The following CA8 variants were observed in gnomAD, a reference collection of about 807,000 sequenced individuals.
CA8 encodes carbonic anhydrase-related protein.
CA8 carries 22 observed loss-of-function variants against 41.4 expected under a neutral mutation model. That is an observed-to-expected ratio of 0.53 (90% CI 0.38 to 0.76). CA8 has a LOEUF of 0.76. Ranked by LOEUF, CA8 falls within the 30% of genes least tolerant of loss-of-function variation. The pLI, the probability that CA8 is intolerant of heterozygous loss-of-function variation, is 0.00. For synonymous variants in CA8, 121 were observed against 130.6 expected, an observed-to-expected ratio of 0.93 and a Z score of 0.50; for missense variants, 270 against 352.8, an observed-to-expected ratio of 0.77 and a Z score of 1.88.
In CA8 at chr8:60,265,423, C is replaced by T. The variant is rs568095876; in HGVS notation, c.417+502G>A. On this transcript the variant is annotated intron_variant, in intron 3 of 8. Transcript: ENST00000317995. ...AGAAACAGCAGAAGTTAACTAAGAA[C>T]GTAAGTCGGGGAGGGAATTCTTTGG... The T allele has an allele frequency of 3.2e-4, 51 of 159,456 alleles. 1 individual carries two copies. In the South Asian group the frequency reaches 8.9e-3, roughly 28 times the overall value. 9.9% of individuals were successfully genotyped at this position (159,456 alleles called of 1,614,324 possible).
At chr8:60,242,807 G>T (rs1808081831) in intron 3 of CA8, among the ~76,000 whole-genome samples, 1 of 152,218 alleles carries the variant, frequency 6.6e-6, no homozygotes, top group East Asian at 1.9e-4. Flanking sequence ...AGTCAGAGAA[G>T]TGGGAGGTTC....
At chr8:60,244,616 C>T (rs1808157095) in intron 3 of CA8, among the ~76,000 whole-genome samples, 1 of 152,200 alleles carries the variant, frequency 6.6e-6, no homozygotes. Context: ...CGAAATACCA[C>T]TGTCAATTTT....
At chr8:60,229,499 C>T (rs1338718628) in intron 4 of CA8, among the ~76,000 whole-genome samples, 2 of 152,170 alleles carry the variant, frequency 1.3e-5, no homozygotes, top group Non-Finnish European at 2.9e-5. Context: ...GTCAATCTCT[C>T]CCAGGCATCA....
rs557436641 is a variant in CA8, at chr8:60,228,156, G to A, written c.514-1221C>T. Among the ~76,000 whole-genome samples, 9 of 152,260 alleles carry A rather than the reference G, an allele frequency of 5.9e-5. No homozygotes were observed. The East Asian group carries it at 1.5e-3, about 26-fold the overall frequency. On this transcript the variant is annotated intron_variant, in intron 4 of 8. Transcript: ENST00000317995. ...AAGGGAGAGGAGAGAGACAAGAAAC[G>A]CTCTACCTAAGATAGGCCAGTCAGC...
intron 3 of CA8, among the ~76,000 whole-genome samples, chr8:60,246,281 T>TGG (rs34495632): frequency 0.01 from 1,594 of 151,812 alleles, 23 homozygotes; most frequent in African/African-American, 0.035. Flanking sequence ...AATGCATTTC[T>TGG]GGGGGGGGTT....
chr8:60,192,873 A>G (rs1280996435), intron 8 of CA8, among the ~76,000 whole-genome samples: 1 of 150,120 alleles, frequency 6.7e-6, no homozygotes, highest in Non-Finnish European at 1.5e-5. Flanking sequence ...TTGTTTCAGT[A>G]TTATGTATAA....
intron 5 of CA8, among the ~76,000 whole-genome samples, chr8:60,225,711 TAA>T: frequency 6.6e-6 from 1 of 152,172 alleles, no homozygotes; most frequent in Non-Finnish European, 1.5e-5. Context: ...CCTCTGTAAT[TAA>T]ACAAGTTCAA....
intron 7 of CA8, among the ~76,000 whole-genome samples, chr8:60,219,058 A>G (rs1232743161): frequency 6.6e-6 from 1 of 152,100 alleles, no homozygotes. Context: ...GGAAGTTATC[A>G]GCCTCAGGAA....
At chr8:60,261,390 T>C (rs1314072454) in intron 3 of CA8, among the ~76,000 whole-genome samples, 1 of 152,132 alleles carries the variant, frequency 6.6e-6, no homozygotes, top group African/African-American at 2.4e-5. Flanking sequence ...GGGTCCAACA[T>C]ACAATATGGC....
At chr8:60,223,864 T>C (rs1397881567) in intron 6 of CA8, among the ~76,000 whole-genome samples, 2 of 152,306 alleles carry the variant, frequency 1.3e-5, no homozygotes, top group East Asian at 3.9e-4. Flanking sequence ...GGCAGAGAAA[T>C]GTGAAGATCA....
chr8:60,190,957 TACAC>T (rs112367263), intron 8 of CA8, among the ~76,000 whole-genome samples: 6 of 104,188 alleles, frequency 5.8e-5, no homozygotes, highest in African/African-American at 2.1e-4. Flanking sequence ...TATATATATA[TACAC>T]ACACACATTT....
chr8:60,236,903 G>A (rs1022432397), intron 3 of CA8, among the ~76,000 whole-genome samples: 2 of 152,108 alleles, frequency 1.3e-5, no homozygotes, highest in Non-Finnish European at 2.9e-5. Context: ...TACAGATATG[G>A]CTTAGGAAAC....
intron 1 of CA8, among the ~76,000 whole-genome samples, chr8:60,280,754 C>G (rs926801546): frequency 6.6e-6 from 1 of 152,276 alleles, no homozygotes; most frequent in African/African-American, 2.4e-5. Context: ...GGTACAGCCA[C>G]GGCTTGGAGG....
chr8:60,229,860 T>C (rs1466034363), intron 4 of CA8, among the ~76,000 whole-genome samples: 1 of 152,146 alleles, frequency 6.6e-6, no homozygotes, highest in Non-Finnish European at 1.5e-5. Context: ...CCACTCTCCA[T>C]TCTTTAATCC....
chr8:60,262,335 C>A (rs200230249), intron 3 of CA8, among the ~76,000 whole-genome samples: 824 of 108,562 alleles, frequency 7.6e-3, no homozygotes, highest in South Asian at 8.8e-3. Context: ...AGCAAAATGG[C>A]AAAAAAAAAA....
At chr8:60,213,104 T>C (rs113867900) in intron 7 of CA8, among the ~76,000 whole-genome samples, 33 of 152,206 alleles carry the variant, frequency 2.2e-4, no homozygotes, top group Non-Finnish European at 3.5e-4. Context: ...CCCCATTATA[T>C]AATGTTCTAT....
intron 3 of CA8, among the ~76,000 whole-genome samples, chr8:60,255,126 G>A (rs186556828): frequency 6.6e-6 from 1 of 152,078 alleles, no homozygotes; most frequent in African/African-American, 2.4e-5. Flanking sequence ...CCTGAACAAA[G>A]CTGGCTTTCC....
intron 8 of CA8, among the ~76,000 whole-genome samples, chr8:60,200,753 A>G (rs971631241): frequency 5.3e-5 from 8 of 152,144 alleles, no homozygotes; most frequent in African/African-American, 1.7e-4. Context: ...CCTCCCCATC[A>G]ATTCCATCAC....
intron 3 of CA8, among the ~76,000 whole-genome samples, chr8:60,259,098 A>C (rs1803648420): frequency 6.6e-6 from 1 of 152,230 alleles, no homozygotes; most frequent in Non-Finnish European, 1.5e-5. Flanking sequence ...AATATGAAAT[A>C]CTTTGGATGG....
Sources: allele counts gnomAD v4.1 joint callset (sites outside exome capture counted in the v4.1 genomes callset), GRCh38; gene constraint gnomAD v4.1.1; transcripts MANE v1.5; gene names NCBI Gene and HGNC (gene_info 2026-07-23, HGNC 2026-07-21).